Variants in GRIK1 observed in about 807,000 individuals in gnomAD.
GRIK1 encodes the protein glutamate receptor ionotropic, kainate 1.
Under a neutral mutation model 105.7 loss-of-function variants are expected in GRIK1, and 69 were observed. That is an observed-to-expected ratio of 0.65 (90% CI 0.54 to 0.80). GRIK1 has a LOEUF of 0.80. Ranked by LOEUF, GRIK1 falls within the 30% of genes least tolerant of loss-of-function variation. The probability of loss-of-function intolerance (pLI) is 0.00; values close to 1 mark genes in which losing one functional copy is unlikely to be tolerated. For missense variants in GRIK1, 1,109 were observed against 1,167.3 expected, an observed-to-expected ratio of 0.95 and a Z score of 0.73; for synonymous variants, 438 against 431.3, an observed-to-expected ratio of 1.02 and a Z score of -0.19.
chr21:29,724,396 C>T (rs1386425651), intron 1 of GRIK1, among the ~76,000 whole-genome samples: 2 of 152,194 alleles, frequency 1.3e-5, no homozygotes, highest in African/African-American at 2.4e-5. Context: ...ATTTCTTCAT[C>T]CACTGAGGGC....
chr21:29,789,057 G>A (rs749951916), intron 1 of GRIK1, among the ~76,000 whole-genome samples: 1 of 152,210 alleles, frequency 6.6e-6, no homozygotes, highest in African/African-American at 2.4e-5. Context: ...AAATGAACTG[G>A]AAAGCCATTG....
At chr21:29,697,669 G>A (rs1455163625) in intron 1 of GRIK1, among the ~76,000 whole-genome samples, 1 of 152,078 alleles carries the variant, frequency 6.6e-6, no homozygotes, top group Admixed American at 6.6e-5. Flanking sequence ...ATTAATAGGA[G>A]CCAGACCATT....
chr21:29,561,160 C>G (rs894370321), intron 15 of GRIK1, among the ~76,000 whole-genome samples: 4 of 152,052 alleles, frequency 2.6e-5, no homozygotes, highest in African/African-American at 9.7e-5. Flanking sequence ...AATCTTTATC[C>G]TTTTTCTTTT....
intron 1 of GRIK1, among the ~76,000 whole-genome samples, chr21:29,765,915 G>T (rs974606965): frequency 6.6e-6 from 1 of 151,538 alleles, no homozygotes; most frequent in Admixed American, 6.6e-5. Flanking sequence ...GCAGTGGCGC[G>T]ATCTCGGCTC....
intron 1 of GRIK1, among the ~76,000 whole-genome samples, chr21:29,756,762 TA>T (rs969321273): frequency 2.0e-5 from 3 of 151,852 alleles, no homozygotes; most frequent in South Asian, 4.2e-4. Context: ...TTTAAAAAAA[TA>T]AAAAAAATAA....
chr21:29,713,894 A>C (rs559377778), intron 1 of GRIK1, among the ~76,000 whole-genome samples: 1 of 152,132 alleles, frequency 6.6e-6, no homozygotes, highest in East Asian at 1.9e-4. Context: ...TTATTGCACT[A>C]ATTTGTTTAC....
At chr21:29,545,784 C>A (rs931725635) in intron 16 of GRIK1, among the ~76,000 whole-genome samples, 6 of 152,186 alleles carry the variant, frequency 3.9e-5, no homozygotes, top group African/African-American at 1.4e-4. Context: ...ATGCATTTTT[C>A]TCAAGCTACA....
intron 1 of GRIK1, chr21:29,749,215 A>G (rs1047896612): frequency 6.6e-6 from 1 of 152,210 alleles, no homozygotes; most frequent in Admixed American, 6.5e-5. Flanking sequence ...CTGTTGGGGA[A>G]AAAGTTAGCC....
intron 15 of GRIK1, among the ~76,000 whole-genome samples, chr21:29,556,317 C>T (rs908639951): frequency 2.6e-5 from 4 of 152,166 alleles, no homozygotes; most frequent in Admixed American, 1.3e-4. Flanking sequence ...GCCCCAACCC[C>T]TCTTTTTTCA....
At chr21:29,771,287 C>T (rs1282058149) in intron 1 of GRIK1, among the ~76,000 whole-genome samples, 2 of 152,170 alleles carry the variant, frequency 1.3e-5, no homozygotes, top group Non-Finnish European at 2.9e-5. Flanking sequence ...TCCCAGAGAA[C>T]TTTATACATA....
chr21:29,560,476 TCTCTCC>T (rs2090423484), intron 15 of GRIK1, among the ~76,000 whole-genome samples: 2 of 121,416 alleles, frequency 1.6e-5, no homozygotes, highest in Non-Finnish European at 1.6e-5. Flanking sequence ...TTCCTTTCTC[TCTCTCC>T]CTTTCTTTCT....
chr21:29,888,924 T>A (rs1183093695), intron 1 of GRIK1, among the ~76,000 whole-genome samples: 1 of 152,186 alleles, frequency 6.6e-6, no homozygotes, highest in Non-Finnish European at 1.5e-5. Flanking sequence ...TTTTTATAAA[T>A]GGCAACACAA....
Position 29,589,035 on chromosome 21 carries a change from G to C in GRIK1, c.1373C>G (p.Pro458Arg). Reference protein sequence around the residue: ...TLIVTTILEEPYVMYRKSDKP... With the variant: ...TLIVTTILEERYVMYRKSDKP... ...ATCAGATTTCCTGTACATAACATAGGGTTCTTCCTAAATGAAACAAACCAA... is the reference window on the plus strand; with the variant it reads ...ATCAGATTTCCTGTACATAACATAGCGTTCTTCCTAAATGAAACAAACCAA... Residue 458 changes from proline (P) to arginine (R), a missense_variant, in exon 11 of 18, where the codon CCC (proline) becomes CGC (arginine). Pro to Arg is a moderately radical substitution (Grantham distance 103). Around this residue, in one of 5 missense-constraint regions of GRIK1, gnomAD observed 612 missense variants for 586.0 expected, o/e 1.04. Coordinates refer to ENST00000327783, the MANE Select transcript of GRIK1 (RefSeq NM_001330994.2). 6.4e-7 allele frequency: 1 copy of C among 1,570,550 alleles called. No homozygotes were observed. The highest frequency in any genetic ancestry group is 8.7e-7 in the Non-Finnish European group (1 of 1,143,380).
At chr21:29,561,095 C>T (rs930059141) in intron 15 of GRIK1, among the ~76,000 whole-genome samples, 6 of 152,266 alleles carry the variant, frequency 3.9e-5, no homozygotes, top group African/African-American at 1.4e-4. Flanking sequence ...GAAGATTTTA[C>T]ATAGTTGGCA....
intron 7 of GRIK1, among the ~76,000 whole-genome samples, chr21:29,617,736 G>A (rs973527783): frequency 2.0e-5 from 3 of 152,160 alleles, no homozygotes; most frequent in African/African-American, 7.2e-5. Context: ...ATTGACAGAG[G>A]CCTGGAGTGT....
At chr21:29,827,147 T>C (rs1249557235) in intron 1 of GRIK1, among the ~76,000 whole-genome samples, 1 of 152,092 alleles carries the variant, frequency 6.6e-6, no homozygotes, top group Non-Finnish European at 1.5e-5. Flanking sequence ...AACTGGTTAA[T>C]TATTATCAGA....
chr21:29,560,509 TTCCTTCCTTC>T (rs1568815294), intron 15 of GRIK1, among the ~76,000 whole-genome samples: 2,946 of 41,004 alleles, frequency 0.072, 656 homozygotes, highest in Admixed American at 0.098. Context: ...CCTTCCTTCC[TTCCTTCCTTC>T]CTTTCTTTCT....
At chr21:29,682,350 T>G (rs939204096) in intron 3 of GRIK1, among the ~76,000 whole-genome samples, 2 of 152,328 alleles carry the variant, frequency 1.3e-5, no homozygotes, top group Non-Finnish European at 2.9e-5. Flanking sequence ...GTTCTCAATA[T>G]CCACATATTT....
chr21:29,637,753 T>C (rs2062426775), intron 7 of GRIK1, among the ~76,000 whole-genome samples: 1 of 152,210 alleles, frequency 6.6e-6, no homozygotes, highest in African/African-American at 2.4e-5. Context: ...ACACCTGGTT[T>C]ATGGTATTTT....
Sources: gnomAD v4.1 joint callset for allele counts (sites outside exome capture counted in the v4.1 genomes callset) on GRCh38, gnomAD v4.1.1 for gene constraint, gnomAD v4.1.1 regional missense constraint, MANE v1.5 for transcripts, NCBI Gene and HGNC (gene_info 2026-07-23, HGNC 2026-07-21) for gene names.